Variants in ITM2A observed in about 807,000 individuals in gnomAD.
ITM2A encodes the protein BRICHOS domain containing 2A.
In ITM2A, 11 loss-of-function variants were observed where a neutral mutation model predicts 16.6. The ratio of observed to expected loss-of-function variants is 0.66; its 90% CI spans 0.42 to 1.10. ITM2A has a LOEUF of 1.10. Among genes scored for constraint, ITM2A ranks in the 50% least tolerant of loss-of-function variants. ITM2A has a pLI of 0.00. For synonymous variants in ITM2A, 102 were observed against 71.2 expected (o/e 1.43, Z -2.18); for missense variants, 243 against 206.8 (o/e 1.17, Z -1.07).
rs753127938 is a variant in ITM2A at position 79,366,909 on chromosome X, C to G, written c.111+196G>C. On this transcript the variant is annotated intron_variant, in intron 1 of 5. Transcript: ENST00000373298. ...GGAACAGACAGAACATGGCACGACA[C>G]GCGGGAATGCAGAGTGACAGAGGGT... The G allele has an allele frequency of 9.1e-5, 37 of 408,170 alleles. No individual in the cohort carries two copies. In the African/African-American group the frequency reaches 9.1e-4, roughly 10 times the overall value. 33.6% of individuals were successfully genotyped at this position (408,170 alleles called of 1,213,427 possible).
At chrX:79,363,183 A>G (rs1420862466) in intron 2 of ITM2A, 44 bp from the exon 3 acceptor site, 14 of 1,039,384 alleles carry the variant, frequency 1.3e-5, no homozygotes, top group African/African-American at 1.1e-4. Context: ...AATAATCACT[A>G]TCATGATATT....
intron 1 of ITM2A, among the ~76,000 whole-genome samples, chrX:79,365,468 G>A (rs1185555552): frequency 9.0e-6 from 1 of 111,232 alleles, no homozygotes; most frequent in Non-Finnish European, 1.9e-5. Flanking sequence ...AACACAATAT[G>A]TCAAATATTA....
At chrX:79,362,002 C>T (rs898114980) in intron 4 of ITM2A, among the ~76,000 whole-genome samples, 2 of 109,953 alleles carry the variant, frequency 1.8e-5, no homozygotes. Context: ...CATACTTGTG[C>T]ATGTGTCTTT....
chrX:79,362,052 T>C (rs1925436717), intron 4 of ITM2A, among the ~76,000 whole-genome samples: 1 of 111,105 alleles, frequency 9.0e-6, no homozygotes, highest in Admixed American at 9.6e-5. Flanking sequence ...ATACACCCAG[T>C]AATGCGATTG....
chrX:79,363,324 C>A, intron 2 of ITM2A, 99 bp downstream of exon 2: 2 of 812,874 alleles, frequency 2.5e-6, no homozygotes, highest in Non-Finnish European at 3.4e-6. Context: ...TTCCCTAAAT[C>A]TTCTTTTCTC....
Position 79,361,135 on chromosome X carries a change from T to A in ITM2A, c.746A>T (p.His249Leu), listed in dbSNP as rs753738430. Residue 249 changes from histidine (H) to leucine (L), a missense_variant, in exon 6 of 6, where the codon CAC (histidine) becomes CTC (leucine). By Grantham distance (99) the His-to-Leu change is moderately conservative. Coordinates refer to ENST00000373298, the MANE Select transcript of ITM2A (RefSeq NM_004867.5). ...RAIDKCWKIRHFPNEFIVETK... is the reference protein window; with the variant it reads ...RAIDKCWKIRLFPNEFIVETK... Reference sequence around the variant, plus strand: ...CTCAACAATAAATTCGTTGGGGAAGTGTCTAATCTTCCAGCATTTATCAAT... The same window carrying A: ...CTCAACAATAAATTCGTTGGGGAAGAGTCTAATCTTCCAGCATTTATCAAT... 9.1e-6 allele frequency: 11 copies of A among 1,203,676 alleles called. No individual in the cohort carries two copies. The highest frequency in any genetic ancestry group is 1.2e-5 in the Non-Finnish European group (11 of 890,201).
intron 1 of ITM2A, among the ~76,000 whole-genome samples, chrX:79,365,371 G>A (rs1191447847): frequency 2.7e-5 from 3 of 111,148 alleles, no homozygotes; most frequent in African/African-American, 9.8e-5. Context: ...AATTTCTCTT[G>A]GAACTCTTTC....
intron 1 of ITM2A, 168 bp downstream of exon 1, chrX:79,366,937 G>A (rs1925595608): frequency 4.7e-6 from 2 of 425,734 alleles, no homozygotes; most frequent in Non-Finnish European, 8.2e-6. Context: ...CAGAGGGTGC[G>A]GTAAGCAGAA....
intron 3 of ITM2A, 59 bp downstream of exon 3, chrX:79,362,883 A>G: frequency 4.3e-6 from 4 of 940,791 alleles, no homozygotes; most frequent in Non-Finnish European, 6.1e-6. Context: ...CCAATGAAGT[A>G]AAAAAGAGAG....
chrX:79,363,274 G>T, intron 2 of ITM2A, 135 bp from the exon 3 acceptor site: 1 of 739,777 alleles, frequency 1.4e-6, no homozygotes, highest in Non-Finnish European at 1.9e-6. Flanking sequence ...TCACAATGAA[G>T]ACAAATCAAT....
chrX:79,361,313 T>A lies in ITM2A; in HGVS notation c.703+16A>T. The A allele has an allele frequency of 8.3e-7, 1 of 1,198,006 alleles. No homozygotes were observed. Among genetic ancestry groups the A allele is most frequent in the East Asian group, 3.0e-5 (1 of 33,797 alleles). ...GTGTAACACAGGGTGAAGGAAGGAA[T>A]ACATTAGTTACTTACCCAGCAAGAG... On this transcript the variant is annotated intron_variant, in intron 5 of 5. Transcript: ENST00000373298.
In ITM2A at chrX:79,363,474, C is replaced by T; in HGVS notation, c.192G>A (p.Leu64=). The T allele has an allele frequency of 8.4e-7, 1 of 1,186,239 alleles. No homozygotes were observed. Among genetic ancestry groups the T allele is most frequent in the Non-Finnish European group, 1.1e-6 (1 of 877,083 alleles). ...AGGCTCCACCAACAATAAGTCCTGC[C>T]AAGATGAATGAAAGGCCTAAGAGAG... ...MLTLLGLSFI[L]AGLIVGGACI... Residue 64 remains leucine (L), a synonymous_variant, in exon 2 of 6, where the codon TTG becomes TTA. Transcript: ENST00000373298.
chrX:79,363,457 C>T lies in ITM2A; in HGVS notation c.209G>A (p.Gly70Asp). The T allele has an allele frequency of 8.5e-7, 1 of 1,173,607 alleles. No homozygotes were observed. The highest frequency in any genetic ancestry group is 1.2e-6 in the Non-Finnish European group (1 of 869,219). Residue 70 changes from glycine to aspartate, a missense_variant, in exon 2 of 6, where the codon GGT becomes GAT. Transcript: ENST00000373298. ...LSFILAGLIV[G>D]GACIYKYFMP... ...GAAGTACTTGTAAATGCAGGCTCCA[C>T]CAACAATAAGTCCTGCCAAGATGAA... is the stretch of plus-strand genomic sequence containing the variant.
chrX:79,361,185 G>A lies in ITM2A; in HGVS notation c.704-8C>T, dbSNP rs778963638. ...TGGCACGTTTGTTGAAACCTGTAAGGAAATGTGCAAAAAAAGTGGCTTTTG... is the reference window on the plus strand; with the variant it reads ...TGGCACGTTTGTTGAAACCTGTAAGAAAATGTGCAAAAAAAGTGGCTTTTG... On this transcript the variant is annotated splice_region_variant and splice_polypyrimidine_tract_variant and intron_variant, in intron 5 of 5. Coordinates refer to ENST00000373298, the MANE Select transcript of ITM2A (RefSeq NM_004867.5). The A allele has an allele frequency of 1.0e-5, 12 of 1,173,824 alleles. No homozygotes were observed. In the Admixed American group the frequency reaches 2.8e-4, roughly 27 times the overall value.
intron 1 of ITM2A, among the ~76,000 whole-genome samples, chrX:79,365,839 C>G (rs941966825): frequency 9.0e-6 from 1 of 111,423 alleles, no homozygotes; most frequent in South Asian, 3.8e-4. Context: ...CTTTTGAGCT[C>G]TAAAATGTAT....
At chrX:79,361,917 C>T (rs1389472353) in intron 4 of ITM2A, among the ~76,000 whole-genome samples, 5 of 98,995 alleles carry the variant, frequency 5.1e-5, no homozygotes, top group Non-Finnish European at 6.1e-5. Context: ...ATCGCATTTT[C>T]TTTATCCACT....
chrX:79,362,855 G>T, intron 3 of ITM2A, 87 bp downstream of exon 3: 2 of 761,321 alleles, frequency 2.6e-6, no homozygotes, highest in Non-Finnish European at 2.0e-6. Flanking sequence ...GTGCATTCAT[G>T]AATGAATTTA....
rs1203418298 is a variant in ITM2A at position 79,361,088 on chromosome X, C to G, written c.*1G>C. 1 of 1,153,910 alleles carries G rather than the reference C, an allele frequency of 8.7e-7. No homozygotes were observed. Among genetic ancestry groups the G allele is most frequent in the East Asian group, 3.0e-5 (1 of 33,511 alleles). On this transcript the variant is annotated 3_prime_UTR_variant, in exon 6 of 6. Coordinates refer to ENST00000373298, the MANE Select transcript of ITM2A (RefSeq NM_004867.5). Reference sequence around the variant, plus strand: ...ACCAAGGACACTCTATCTGTTGCCTCTTACTCTTGACAGATCTTGGTCTCA... The same window carrying G: ...ACCAAGGACACTCTATCTGTTGCCTGTTACTCTTGACAGATCTTGGTCTCA...
In ITM2A at chrX:79,367,257, G is replaced by A. The variant is rs1244704552; in HGVS notation, c.-42C>T. 7 of 944,812 alleles carry A rather than the reference G, an allele frequency of 7.4e-6. No individual in the cohort carries two copies. Among genetic ancestry groups the A allele is most frequent in the Non-Finnish European group, 9.0e-6 (6 of 667,131 alleles). 77.9% of individuals were successfully genotyped at this position (944,812 alleles called of 1,213,427 possible). On this transcript the variant is annotated 5_prime_UTR_variant, in exon 1 of 6. Coordinates refer to ENST00000373298, the MANE Select transcript of ITM2A (RefSeq NM_004867.5). ...GCGCGGTAAGGCGCTGCTGGAATCA[G>A]CGTCCTGGGCTGCAGACTGCAAGAG...
Sources: allele counts gnomAD v4.1 joint callset (sites outside exome capture counted in the v4.1 genomes callset), GRCh38; gene constraint gnomAD v4.1.1; transcripts MANE v1.5; gene names NCBI Gene and HGNC (gene_info 2026-07-23, HGNC 2026-07-21).